NREP: variants seen among roughly 807,000 people sequenced by gnomAD.
NREP encodes neuronal regeneration-related protein.
A neutral mutation model predicts 8.6 loss-of-function variants in NREP; 5 were observed. The ratio of observed to expected loss-of-function variants is 0.58; its 90% CI spans 0.30 to 1.22. NREP has a LOEUF of 1.22. Ranked by LOEUF, NREP falls within the 50% of genes most tolerant of loss-of-function variation. The probability of loss-of-function intolerance (pLI) is 0.07; values close to 1 mark genes in which losing one functional copy is unlikely to be tolerated. For missense variants in NREP, 86 were observed against 82.5 expected (o/e 1.04, Z -0.17); for synonymous variants, 27 against 28.0 (o/e 0.96, Z 0.11).
In NREP at chr5:111,953,277, G is replaced by A. The variant is rs150497516; in HGVS notation, c.135+21997C>T. On this transcript the variant is annotated intron_variant, in intron 2 of 3. Coordinates refer to the NREP transcript ENST00000395634. ...AACTTCTCAGATGGGCAGTGCACAA[G>A]CTGGTGCTGTGTGGCCATTGCAGCA... Among the ~76,000 whole-genome samples the A allele has an allele frequency of 5.9e-3, 891 of 152,276 alleles. 8 individuals carry two copies. The highest frequency in any genetic ancestry group is 0.021 in the African/African-American group (855 of 41,568).
At chr5:111,829,939 G>A (rs2112934190) in intron 2 of NREP, among the ~76,000 whole-genome samples, 1 of 152,280 alleles carries the variant, frequency 6.6e-6, no homozygotes, top group South Asian at 2.1e-4. Context: ...GGTGTACAGT[G>A]CTGATGAAAG....
intron 2 of NREP, among the ~76,000 whole-genome samples, chr5:111,888,957 TAA>T (rs1754327441): frequency 6.6e-6 from 1 of 152,160 alleles, no homozygotes; most frequent in African/African-American, 2.4e-5. Context: ...CATAAATATA[TAA>T]AGACAGAAAA....
chr5:111,886,836 G>A (rs1047405660), intron 2 of NREP, among the ~76,000 whole-genome samples: 4 of 151,590 alleles, frequency 2.6e-5, no homozygotes, highest in African/African-American at 7.3e-5. Context: ...GTTGGGGGAC[G>A]GGGGAGGGAT....
rs73787742 is a variant in NREP at position 111,941,859 on chromosome 5, G to C, written c.135+33415C>G. Among the ~76,000 whole-genome samples the C allele has an allele frequency of 8.4e-3, 1,285 of 152,092 alleles. 18 individuals carry two copies. The highest frequency in any genetic ancestry group is 0.023 in the African/African-American group (951 of 41,514). On this transcript the variant is annotated intron_variant, in intron 2 of 3. Transcript: ENST00000395634. ...TCTGTTATCCTCTAAATAGATTCTA[G>C]CTTATTTACAACTATGTCTTCCTTC... is the stretch of plus-strand genomic sequence containing the variant.
intron 2 of NREP, among the ~76,000 whole-genome samples, chr5:111,962,333 T>C (rs1264790186): frequency 6.8e-6 from 1 of 146,994 alleles, no homozygotes; most frequent in Non-Finnish European, 1.5e-5. Context: ...AAAGCAATAA[T>C]AAAACTGAAG....
intron 2 of NREP, among the ~76,000 whole-genome samples, chr5:111,807,007 G>A (rs1165679367): frequency 6.6e-6 from 1 of 152,054 alleles, no homozygotes; most frequent in Non-Finnish European, 1.5e-5. Flanking sequence ...GGAACAGACT[G>A]TGCTGGGGAA....
intron 2 of NREP, among the ~76,000 whole-genome samples, chr5:111,767,930 G>C (rs1322194321): frequency 1.3e-5 from 2 of 152,138 alleles, no homozygotes; most frequent in African/African-American, 4.8e-5. Context: ...CTCCTAAAGT[G>C]CTGGGATTCT....
intron 2 of NREP, among the ~76,000 whole-genome samples, chr5:111,924,849 G>T (rs1399317205): frequency 6.6e-6 from 1 of 152,056 alleles, no homozygotes; most frequent in Non-Finnish European, 1.5e-5. Context: ...GGTTAATATT[G>T]GTTTACACCA....
intron 2 of NREP, among the ~76,000 whole-genome samples, chr5:111,776,448 C>G (rs1751359378): frequency 6.6e-6 from 1 of 152,134 alleles, no homozygotes; most frequent in Admixed American, 6.5e-5. Context: ...CTACCTATTG[C>G]ATGACCCCAG....
chr5:111,966,774 C>G (rs555353320), intron 2 of NREP, among the ~76,000 whole-genome samples: 1 of 152,144 alleles, frequency 6.6e-6, no homozygotes, highest in African/African-American at 2.4e-5. Flanking sequence ...ATAAAACTAA[C>G]AAAACTTTAA....
chr5:111,932,809 C>T (rs1218797282), intron 2 of NREP, among the ~76,000 whole-genome samples: 1 of 152,074 alleles, frequency 6.6e-6, no homozygotes, highest in African/African-American at 2.4e-5. Context: ...GCCCTCTTGA[C>T]TGGTAGTGCC....
intron 2 of NREP, among the ~76,000 whole-genome samples, chr5:111,776,061 T>C (rs1751349552): frequency 1.3e-5 from 2 of 152,186 alleles, no homozygotes; most frequent in South Asian, 2.1e-4. Flanking sequence ...TTACTGTCAG[T>C]AAGTATGAGG....
At chr5:111,916,855 T>C (rs1561344193) in intron 2 of NREP, among the ~76,000 whole-genome samples, 1 of 152,074 alleles carries the variant, frequency 6.6e-6, no homozygotes, top group African/African-American at 2.4e-5. Flanking sequence ...AATTCTTGCC[T>C]CCTCAGAAGA....
intron 2 of NREP, among the ~76,000 whole-genome samples, chr5:111,797,102 T>TAGAC (rs1208588461): frequency 6.6e-6 from 1 of 152,088 alleles, no homozygotes; most frequent in Non-Finnish European, 1.5e-5. Context: ...GATAGATAGA[T>TAGAC]AGATAGATAT....
chr5:111,799,280 GA>G (rs1751945826), intron 2 of NREP, among the ~76,000 whole-genome samples: 1 of 152,014 alleles, frequency 6.6e-6, no homozygotes, highest in South Asian at 2.1e-4. Flanking sequence ...TTAATTTTAG[GA>G]TTTTTTTTCT....
chr5:111,789,783 G>C (rs1283247891), intron 2 of NREP, among the ~76,000 whole-genome samples: 1 of 152,014 alleles, frequency 6.6e-6, no homozygotes, highest in Admixed American at 6.6e-5. Context: ...AAATAGTCTT[G>C]AGCCAAACCA....
At chr5:111,828,762 TG>T (rs1752690957) in intron 2 of NREP, among the ~76,000 whole-genome samples, 1 of 152,204 alleles carries the variant, frequency 6.6e-6, no homozygotes, top group Non-Finnish European at 1.5e-5. Flanking sequence ...AACAATTTGT[TG>T]TATCACTAAG....
At chr5:111,806,701 C>T (rs1176023800) in intron 2 of NREP, among the ~76,000 whole-genome samples, 1 of 151,626 alleles carries the variant, frequency 6.6e-6, no homozygotes, top group Non-Finnish European at 1.5e-5. Context: ...ATTCTGGTGC[C>T]AATCTAAGTT....
chr5:111,784,790 G>A (rs1751571002), intron 2 of NREP, among the ~76,000 whole-genome samples: 1 of 152,092 alleles, frequency 6.6e-6, no homozygotes, highest in African/African-American at 2.4e-5. Flanking sequence ...TAGGAATATG[G>A]ATATTTAAAA....
Sources: allele counts gnomAD v4.1 joint callset (sites outside exome capture counted in the v4.1 genomes callset), GRCh38; gene constraint gnomAD v4.1.1; transcripts MANE v1.5; gene names NCBI Gene and HGNC (gene_info 2026-07-23, HGNC 2026-07-21).